The following ST6GALNAC5 variants were observed in gnomAD, a reference collection of about 807,000 sequenced individuals.
ST6GALNAC5 encodes the protein alpha-N-acetylgalactosaminide alpha-2,6-sialyltransferase 5.
A neutral mutation model predicts 33.6 loss-of-function variants in ST6GALNAC5; 27 were observed. The ratio of observed to expected loss-of-function variants is 0.80; its 90% CI spans 0.59 to 1.11. The LOEUF (loss-of-function observed/expected upper bound fraction) is 1.11. Among genes scored for constraint, ST6GALNAC5 ranks in the 50% least tolerant of loss-of-function variants. The pLI is 0.00. For missense variants in ST6GALNAC5, 428 were observed against 454.0 expected (o/e 0.94, Z 0.52); for synonymous variants, 194 against 171.2 (o/e 1.13, Z -1.04).
chr1:76,999,622 C>T (rs971107410), intron 2 of ST6GALNAC5, among the ~76,000 whole-genome samples: 1 of 151,166 alleles, frequency 6.6e-6, no homozygotes, highest in Non-Finnish European at 1.5e-5. Context: ...GTATATCTCC[C>T]AATGCTATCC....
At chr1:76,905,371 T>G (rs1646855508) in intron 2 of ST6GALNAC5, among the ~76,000 whole-genome samples, 1 of 152,160 alleles carries the variant, frequency 6.6e-6, no homozygotes, top group Admixed American at 6.6e-5. Context: ...CTTCTTAACG[T>G]CAGGTTAACA....
chr1:77,004,598 TG>T (rs1420777761), intron 2 of ST6GALNAC5, among the ~76,000 whole-genome samples: 4 of 129,832 alleles, frequency 3.1e-5, no homozygotes, highest in Non-Finnish European at 7.2e-5. Flanking sequence ...TTTTCTGTTC[TG>T]TTTTTTCCCC....
intron 2 of ST6GALNAC5, among the ~76,000 whole-genome samples, chr1:76,886,907 T>C (rs904830899): frequency 1.3e-5 from 2 of 152,252 alleles, no homozygotes; most frequent in Non-Finnish European, 2.9e-5. Context: ...CACTGAATAA[T>C]ATTCCATTGT....
At chr1:77,008,137 G>A (rs1403376809) in intron 2 of ST6GALNAC5, among the ~76,000 whole-genome samples, 2 of 152,194 alleles carry the variant, frequency 1.3e-5, no homozygotes, top group African/African-American at 4.8e-5. Context: ...CTGGAGATGA[G>A]ATGGGTTTAA....
At chr1:77,023,203 C>T (rs938005078) in intron 2 of ST6GALNAC5, among the ~76,000 whole-genome samples, 1 of 152,104 alleles carries the variant, frequency 6.6e-6, no homozygotes, top group African/African-American at 2.4e-5. Flanking sequence ...GGAACTGTTG[C>T]GGGGAGGGAT....
chr1:76,872,068 A>AACACACAC (rs66721550), intron 2 of ST6GALNAC5, among the ~76,000 whole-genome samples: 200 of 130,294 alleles, frequency 1.5e-3, no homozygotes, highest in Middle Eastern at 3.8e-3. Flanking sequence ...TAACCAAGCT[A>AACACACAC]ACACACACAC....
intron 2 of ST6GALNAC5, among the ~76,000 whole-genome samples, chr1:76,916,215 G>A (rs183457607): frequency 6.6e-6 from 1 of 152,138 alleles, no homozygotes. Flanking sequence ...AGCTGGTACG[G>A]ATGACACAAC....
chr1:77,049,066 T>C (rs994804751), intron 3 of ST6GALNAC5, among the ~76,000 whole-genome samples: 1 of 152,094 alleles, frequency 6.6e-6, no homozygotes, highest in African/African-American at 2.4e-5. Flanking sequence ...GAAGCCATGA[T>C]CCCCAGGAAT....
At chr1:76,999,227 T>C (rs1650050998) in intron 2 of ST6GALNAC5, among the ~76,000 whole-genome samples, 1 of 152,156 alleles carries the variant, frequency 6.6e-6, no homozygotes, top group African/African-American at 2.4e-5. Flanking sequence ...TCTGGCCCTT[T>C]TCTGTAATTA....
chr1:76,893,344 T>A (rs1654053176), intron 2 of ST6GALNAC5, among the ~76,000 whole-genome samples: 1 of 152,092 alleles, frequency 6.6e-6, no homozygotes, highest in Admixed American at 6.6e-5. Flanking sequence ...CAAGAAGAAA[T>A]CAGTTTAAGA....
chr1:76,871,955 G>T (rs140220655), intron 2 of ST6GALNAC5, among the ~76,000 whole-genome samples: 1 of 151,842 alleles, frequency 6.6e-6, no homozygotes, highest in Non-Finnish European at 1.5e-5. Context: ...TCTCAGTCCC[G>T]ATTTGTGGAA....
intron 2 of ST6GALNAC5, among the ~76,000 whole-genome samples, chr1:76,952,690 A>T (rs1449109435): frequency 1.3e-5 from 2 of 152,106 alleles, no homozygotes; most frequent in African/African-American, 2.4e-5. Flanking sequence ...TCAATTTTTT[A>T]AAACTAAAAA....
intron 2 of ST6GALNAC5, among the ~76,000 whole-genome samples, chr1:77,010,633 GTC>G (rs1650596903): frequency 6.6e-6 from 1 of 152,172 alleles, no homozygotes; most frequent in Non-Finnish European, 1.5e-5. Flanking sequence ...CTGCGACACT[GTC>G]CATCTAAATC....
At chr1:77,027,571 C>T (rs775691737) in intron 2 of ST6GALNAC5, among the ~76,000 whole-genome samples, 5 of 152,030 alleles carry the variant, frequency 3.3e-5, no homozygotes, top group African/African-American at 7.3e-5. Flanking sequence ...AACTGGGAGA[C>T]GCAGAGTTGA....
chr1:76,914,042 A>G (rs1382294349), intron 2 of ST6GALNAC5, among the ~76,000 whole-genome samples: 1 of 152,184 alleles, frequency 6.6e-6, no homozygotes, highest in Non-Finnish European at 1.5e-5. Context: ...ATTCTTATAC[A>G]CCAATAACAG....
intron 2 of ST6GALNAC5, among the ~76,000 whole-genome samples, chr1:76,926,757 G>A (rs1051860268): frequency 2.0e-4 from 30 of 152,110 alleles, no homozygotes; most frequent in African/African-American, 7.0e-4. Context: ...CAAAAGAAAG[G>A]TTGTGAGGAC....
chr1:76,876,230 G>A lies in ST6GALNAC5; in HGVS notation c.261+7488G>A, dbSNP rs572352444. 2.6e-3 allele frequency among the ~76,000 whole-genome samples: 398 copies of A among 152,276 alleles called. 2 individuals are homozygous for A. Among genetic ancestry groups the A allele is most frequent in the African/African-American group, 9.1e-3 (380 of 41,558 alleles). On this transcript the variant is annotated intron_variant, in intron 2 of 4. Transcript: ENST00000477717. ...TCACCCCAAGGAATGGTGCCATATC[G>A]AGGGCTCAGTGTTGGTCTCTGCTGC...
At chr1:77,055,483 C>T (rs1019633934) in intron 4 of ST6GALNAC5, among the ~76,000 whole-genome samples, 3 of 152,260 alleles carry the variant, frequency 2.0e-5, no homozygotes, top group Middle Eastern at 3.4e-3. Context: ...TTATAATAAT[C>T]TTATGAGGTA....
In ST6GALNAC5 at chr1:77,063,128, C is replaced by T; in HGVS notation, c.933C>T (p.Phe311=). Residue 311 remains phenylalanine (F), a synonymous_variant, in exon 5 of 5, where the codon TTC becomes TTT. Coordinates refer to ENST00000477717, the MANE Select transcript of ST6GALNAC5 (RefSeq NM_030965.3). ...KRVFKNWART[F]NIHFFQPDWK... ...TCTTTAAGAACTGGGCACGGACATT[C>T]AATATTCACTTTTTTCAACCAGACT... 6.2e-7 allele frequency: 1 copy of T among 1,613,736 alleles called. No individual in the cohort carries two copies. The highest frequency in any genetic ancestry group is 2.2e-5 in the East Asian group (1 of 44,856).
Sources: allele counts gnomAD v4.1 joint callset (sites outside exome capture counted in the v4.1 genomes callset), GRCh38; gene constraint gnomAD v4.1.1; transcripts MANE v1.5; gene names NCBI Gene and HGNC (gene_info 2026-07-23, HGNC 2026-07-21).